The following SCN3A variants were observed in gnomAD, a reference collection of about 807,000 sequenced individuals.
SCN3A encodes sodium voltage-gated channel alpha subunit 3.
In SCN3A, 60 loss-of-function variants were observed where a neutral mutation model predicts 187.6. The ratio of observed to expected loss-of-function variants is 0.32; its 90% CI spans 0.26 to 0.40. The LOEUF is 0.40. SCN3A is among the 10% of genes least tolerant of loss of function. The pLI, the probability that SCN3A is intolerant of heterozygous loss-of-function variation, is 1.00. For synonymous variants in SCN3A, 788 were observed against 829.2 expected, an observed-to-expected ratio of 0.95 and a Z score of 0.85; for missense variants, 1,601 against 2,428.2, an observed-to-expected ratio of 0.66 and a Z score of 7.16.
At chr2:165,123,561 A>G (rs1289297814) in intron 18 of SCN3A, among the ~76,000 whole-genome samples, 1 of 152,148 alleles carries the variant, frequency 6.6e-6, no homozygotes, top group East Asian at 1.9e-4. Context: ...GTGAGTGCTC[A>G]CTTTATTAGC....
At chr2:165,170,224 GT>G (rs939214198) in intron 4 of SCN3A, among the ~76,000 whole-genome samples, 3 of 151,760 alleles carry the variant, frequency 2.0e-5, no homozygotes, top group Non-Finnish European at 4.4e-5. Context: ...ATCATGGTTG[GT>G]TACATATTTT....
intron 1 of SCN3A, among the ~76,000 whole-genome samples, chr2:165,191,369 C>T (rs1306980492): frequency 6.6e-6 from 1 of 151,940 alleles, no homozygotes; most frequent in Non-Finnish European, 1.5e-5. Context: ...TCAGAAGCCC[C>T]CAGAAGCTAC....
rs1687921618 is a variant in SCN3A at position 165,140,213 on chromosome 2, T to C, written c.2019+438A>G. On this transcript the variant is annotated intron_variant, in intron 13 of 27. Transcript: ENST00000283254. The surrounding 1 kb of genome is among the most constrained non-coding windows in gnomAD (Gnocchi z 4.2). ...ATAGCACTGTAAATATTGACAGTTG[T>C]ATGAAATTGCCCATTATCAACAAAT... Among the ~76,000 whole-genome samples, 1 of 152,230 alleles carries C rather than the reference T, an allele frequency of 6.6e-6. No homozygotes were observed.
rs1553517869 is a variant in SCN3A at position 165,094,486 on chromosome 2, C to T, written c.4432-8G>A. Reference sequence around the variant, plus strand: ...GATGTCTTGACCTCCAAAGTAAAGACATAGTATAAAACTGGTTACAATTCT... The same window carrying T: ...GATGTCTTGACCTCCAAAGTAAAGATATAGTATAAAACTGGTTACAATTCT... On this transcript the variant is annotated splice_polypyrimidine_tract_variant and splice_region_variant and intron_variant, in intron 25 of 27. Coordinates refer to ENST00000283254, the MANE Select transcript of SCN3A (RefSeq NM_006922.4). The T allele has an allele frequency of 3.8e-6, 6 of 1,571,720 alleles. No homozygotes were observed. Among genetic ancestry groups the T allele is most frequent in the East Asian group, 2.2e-5 (1 of 44,636 alleles).
intron 24 of SCN3A, 104 bp from the exon 25 acceptor site, chr2:165,095,752 C>A: frequency 1.5e-6 from 1 of 646,724 alleles, no homozygotes; most frequent in South Asian, 2.6e-5. Flanking sequence ...GCTACTTTTG[C>A]CTTACCCTGA....
intron 1 of SCN3A, among the ~76,000 whole-genome samples, chr2:165,197,833 A>C (rs1392719251): frequency 6.6e-6 from 1 of 151,994 alleles, no homozygotes; most frequent in African/African-American, 2.4e-5. Context: ...AGTTTACATT[A>C]ATTTTTGGTA....
At position 165,091,152 on chromosome 2, in the gene SCN3A, A is replaced by G. The variant is rs371096432; in HGVS notation, c.5001T>C (p.Phe1667=). 27 of 1,614,032 alleles carry G rather than the reference A, an allele frequency of 1.7e-5. No homozygotes were observed. In the African/African-American group the frequency reaches 1.9e-4, roughly 11 times the overall value. The part of the protein sequence containing the change: ...NIGLLLFLVM[F]IYAIFGMSNF... ...TGGACATCCCAAAGATGGCATAGAT[A>G]AACATGACCAGGAAGAGCAGGAGGC... Residue 1667 remains phenylalanine, a synonymous_variant, in exon 28 of 28, where the codon TTT becomes TTC. Transcript: ENST00000283254.
intron 15 of SCN3A, among the ~76,000 whole-genome samples, chr2:165,133,275 T>G (rs577082199): frequency 3.2e-4 from 48 of 152,316 alleles, no homozygotes; most frequent in Admixed American, 9.8e-4. Flanking sequence ...AGCCATCCCA[T>G]TACTGGGTAT....
Position 165,168,801 on chromosome 2 carries a change from G to A in SCN3A, c.408C>T (p.Cys136=). The stretch of plus-strand genomic sequence containing the variant: ...TAAATACACAGTTGGTCAAAATAGT[G>A]CACATGATAAGCATGCTGAATAAAG... The part of the protein sequence containing the change: ...VHSLFSMLIM[C]TILTNCVFMT... The change falls in exon 5 of 28, where the codon TGC becomes TGT. Residue 136 remains cysteine, a synonymous_variant. Transcript: ENST00000283254. The A allele has an allele frequency of 6.2e-7, 1 of 1,611,630 alleles. No homozygotes were observed. The highest frequency in any genetic ancestry group is 8.5e-7 in the Non-Finnish European group (1 of 1,178,100).
At position 165,090,850 on chromosome 2, in the gene SCN3A, G is replaced by A. The variant is rs765165989; in HGVS notation, c.5303C>T (p.Ala1768Val). The A allele has an allele frequency of 5.0e-6, 8 of 1,614,016 alleles. No homozygotes were observed. Among genetic ancestry groups the A allele is most frequent in the Non-Finnish European group, 6.8e-6 (8 of 1,179,996 alleles). The part of the protein sequence containing the change: ...SFLVVVNMYI[A>V]VILENFSVAT... ...AACACTGAAGTTCTCCAGGATGACCGCGATGTACATGTTCACCACAACCAG... is the reference window on the plus strand; with the variant it reads ...AACACTGAAGTTCTCCAGGATGACCACGATGTACATGTTCACCACAACCAG... The change falls in exon 28 of 28, where the codon GCG becomes GTG. Residue 1768 changes from alanine (A) to valine (V), a missense_variant. This residue lies in a region of SCN3A where 3 missense variants were observed against 32.4 expected (regional missense o/e 0.09). Coordinates refer to ENST00000283254, the MANE Select transcript of SCN3A (RefSeq NM_006922.4). This position sits in a 1 kb window ranked among gnomAD's most constrained non-coding sequence, Gnocchi z 4.0.
intron 3 of SCN3A, among the ~76,000 whole-genome samples, chr2:165,171,079 G>A (rs1038598494): frequency 6.6e-6 from 1 of 151,986 alleles, no homozygotes; most frequent in African/African-American, 2.4e-5. Context: ...ACTGAAGAGA[G>A]ATGGATGCAT....
intron 1 of SCN3A, among the ~76,000 whole-genome samples, chr2:165,202,636 A>C (rs1430378011): frequency 6.6e-6 from 1 of 152,060 alleles, no homozygotes; most frequent in East Asian, 1.9e-4. Flanking sequence ...AATATTTTTC[A>C]ACATATCATT....
At chr2:165,143,437 G>A (rs1052221025) in intron 12 of SCN3A, among the ~76,000 whole-genome samples, 3 of 152,186 alleles carry the variant, frequency 2.0e-5, no homozygotes, top group Non-Finnish European at 4.4e-5. Flanking sequence ...ATTTTCAAAG[G>A]CGTTCCAGAT....
intron 18 of SCN3A, among the ~76,000 whole-genome samples, chr2:165,126,307 A>G (rs1419322695): frequency 1.3e-5 from 2 of 152,212 alleles, no homozygotes; most frequent in Admixed American, 1.3e-4. Context: ...GGATTGAAGA[A>G]TTAATAACAT....
intron 19 of SCN3A, among the ~76,000 whole-genome samples, chr2:165,115,217 A>G (rs1574133856): frequency 6.7e-6 from 1 of 149,884 alleles, no homozygotes; most frequent in African/African-American, 2.4e-5. Context: ...TGTTGAGCTA[A>G]TTTATTTTTT....
chr2:165,105,583 A>G (rs950125383), intron 21 of SCN3A, among the ~76,000 whole-genome samples: 1 of 151,914 alleles, frequency 6.6e-6, no homozygotes, highest in Non-Finnish European at 1.5e-5. Context: ...TGAAGATGGG[A>G]GGTTGGGGAT....
intron 12 of SCN3A, 111 bp downstream of exon 12, chr2:165,146,628 C>G (rs939979537): frequency 7.4e-6 from 8 of 1,088,060 alleles, no homozygotes; most frequent in South Asian, 1.3e-5. Context: ...AATGTTAGTT[C>G]CCTGTCCCTC....
intron 3 of SCN3A, among the ~76,000 whole-genome samples, chr2:165,171,617 A>G (rs1467746234): frequency 6.6e-6 from 1 of 151,990 alleles, no homozygotes; most frequent in African/African-American, 2.4e-5. Context: ...CTGTCTGGGA[A>G]TTTTCTCAGC....
chr2:165,137,765 T>C (rs1330377594), intron 15 of SCN3A, 114 bp downstream of exon 15: 2 of 813,418 alleles, frequency 2.5e-6, no homozygotes, highest in Non-Finnish European at 4.3e-6. Context: ...TATTTCTTTC[T>C]ATGAGGAAAG....
Sources: allele counts gnomAD v4.1 joint callset (sites outside exome capture counted in the v4.1 genomes callset), GRCh38; gene constraint gnomAD v4.1.1; regional missense constraint gnomAD v4.1.1; non-coding constraint Gnocchi (gnomAD v3.1); transcripts MANE v1.5; gene names NCBI Gene and HGNC (gene_info 2026-07-23, HGNC 2026-07-21).